Variants in VDR observed in about 807,000 individuals in gnomAD.
The protein encoded by VDR is vitamin D receptor.
A neutral mutation model predicts 39.7 loss-of-function variants in VDR; 19 were observed. The ratio of observed to expected loss-of-function variants is 0.48; its 90% CI spans 0.33 to 0.70. The LOEUF (loss-of-function observed/expected upper bound fraction) is 0.70. Ranked by LOEUF, VDR falls within the 30% of genes least tolerant of loss-of-function variation. The probability of loss-of-function intolerance (pLI) is 0.02; values close to 1 mark genes in which losing one functional copy is unlikely to be tolerated. For missense variants in VDR, 442 were observed against 570.5 expected (o/e 0.77, Z 2.29); for synonymous variants, 242 against 215.8 (o/e 1.12, Z -1.07).
chr12:47,856,777 A>C (rs1165872623), intron 6 of VDR, among the ~76,000 whole-genome samples: 1 of 152,158 alleles, frequency 6.6e-6, no homozygotes, highest in Non-Finnish European at 1.5e-5. Flanking sequence ...TCCCACTCCA[A>C]ATTTCACCTT....
At chr12:47,873,390 T>C in intron 3 of VDR, among the ~76,000 whole-genome samples, 1 of 114,562 alleles carries the variant, frequency 8.7e-6, no homozygotes, top group Admixed American at 1.0e-4. Context: ...TGAGACGGAG[T>C]CTCGCTGTCG....
intron 3 of VDR, among the ~76,000 whole-genome samples, chr12:47,872,716 C>T (rs1945908102): frequency 6.6e-6 from 1 of 152,200 alleles, no homozygotes; most frequent in Admixed American, 6.5e-5. Flanking sequence ...GTTTAGGAAC[C>T]TCTTTTCAGA....
chr12:47,861,020 G>A (rs984386332), intron 4 of VDR, among the ~76,000 whole-genome samples: 23 of 152,232 alleles, frequency 1.5e-4, no homozygotes, highest in Non-Finnish European at 2.9e-5. Context: ...TAGCAGATGA[G>A]GGAGCTGAGG....
intron 1 of VDR, among the ~76,000 whole-genome samples, chr12:47,884,073 C>T (rs1442145499): frequency 6.6e-6 from 1 of 152,198 alleles, no homozygotes; most frequent in Non-Finnish European, 1.5e-5. Context: ...CAGCTGACCA[C>T]GCTCTGCAGG....
intron 4 of VDR, among the ~76,000 whole-genome samples, chr12:47,859,848 TC>T (rs1354855132): frequency 1.6e-5 from 1 of 62,912 alleles, no homozygotes; most frequent in Non-Finnish European, 3.2e-5. Context: ...TTCCCTTCCT[TC>T]CTTCCTTCCT....
chr12:47,864,382 AG>A (rs1227878193), intron 4 of VDR, among the ~76,000 whole-genome samples: 1 of 152,242 alleles, frequency 6.6e-6, no homozygotes, highest in African/African-American at 2.4e-5. Context: ...AGAGAGGGAC[AG>A]GAAGTCCTAT....
chr12:47,872,781 A>C (rs879904449), intron 3 of VDR, among the ~76,000 whole-genome samples: 4 of 152,218 alleles, frequency 2.6e-5, no homozygotes, highest in Non-Finnish European at 4.4e-5. Context: ...GGTAGAGAAA[A>C]GGAAGAAAGG....
At position 47,899,098 on chromosome 12, in the gene VDR, A is replaced by C. The variant is rs554342494; in HGVS notation, c.-84+5857T>G. On this transcript the variant is annotated intron_variant, in intron 1 of 9. Coordinates refer to ENST00000549336, the MANE Select transcript of VDR (RefSeq NM_000376.3). ...AATTGAAGAACCCAAGTTGCAGAGA[A>C]GCTAAGTAACCTTCACAAGCTCATC... 5.3e-5 allele frequency among the ~76,000 whole-genome samples: 8 copies of C among 152,352 alleles called. No homozygotes were observed. The South Asian group carries it at 1.7e-3, about 32-fold the overall frequency.
At position 47,904,307 on chromosome 12, in the gene VDR, TC is replaced by T. The variant is rs546254232; in HGVS notation, c.-84+647del. Among the ~76,000 whole-genome samples the T allele has an allele frequency of 7.3e-4, 111 of 151,642 alleles. 2 individuals are homozygous for T. The South Asian group carries it at 0.012, about 16-fold the overall frequency. Reference sequence around the variant, plus strand: ...AATCTTCCTCACCACCACCCACAGATCCAGGGCACCTCACTTTTCAAACAGA... The same window carrying T: ...AATCTTCCTCACCACCACCCACAGATCAGGGCACCTCACTTTTCAAACAGA... On this transcript the variant is annotated intron_variant, in intron 1 of 9. Transcript: ENST00000549336.
In VDR at chr12:47,873,351, C is replaced by CTTTTTTT. The variant is rs71077177; in HGVS notation, c.146+5610_146+5616dup. ...ACCATGAGTCAATTAAACCTGTTTT[C>CTTTTTTT]TTTTTTTTTTTTTTTTTTTTTTTTT... On this transcript the variant is annotated intron_variant, in intron 3 of 9. Transcript: ENST00000549336. 4.0e-3 allele frequency among the ~76,000 whole-genome samples: 398 copies of CTTTTTTT among 98,400 alleles called. 35 individuals carry two copies. The highest frequency in any genetic ancestry group is 5.6e-3 in the Non-Finnish European group (282 of 50,258). 64.6% of individuals were successfully genotyped at this position (98,400 alleles called of 152,430 possible). A position where few individuals can be genotyped will look rare whatever the true frequency, so the allele number is the denominator to read the frequency against.
chr12:47,846,434 G>A lies in VDR; in HGVS notation c.925C>T (p.Leu309=). Residue 309 remains leucine, a synonymous_variant, in exon 9 of 10, where the codon CTG becomes TTG. Coordinates refer to ENST00000549336, the MANE Select transcript of VDR (RefSeq NM_000376.3). ...DVTKAGHSLE[L]IEPLIKFQVG... is the part of the protein sequence containing the mutation. ...TGGAACTTGATGAGGGGCTCAATCA[G>A]CTCCAGGCTGTGTCCGGCTGTGAGA... 1.3e-6 allele frequency: 2 copies of A among 1,567,332 alleles called. No individual in the cohort carries two copies. The highest frequency in any genetic ancestry group is 1.7e-6 in the Non-Finnish European group (2 of 1,155,884).
chr12:47,891,166 C>T lies in VDR; in HGVS notation c.-83-8392G>A, dbSNP rs530827243. 4.6e-5 allele frequency among the ~76,000 whole-genome samples: 7 copies of T among 152,288 alleles called. No homozygotes were observed. The East Asian group carries it at 5.8e-4, about 13-fold the overall frequency. Reference sequence around the variant, plus strand: ...CAGACCCCTTGCCTTTGTCCAGCTACCTGGGCCAGCCTGATGCCCCTGGCC... The same window carrying T: ...CAGACCCCTTGCCTTTGTCCAGCTATCTGGGCCAGCCTGATGCCCCTGGCC... On this transcript the variant is annotated intron_variant, in intron 1 of 9. Transcript: ENST00000549336.
At chr12:47,859,910 CTTCCTTCTTTCTTTTTCT>C (rs1412382350) in intron 4 of VDR, among the ~76,000 whole-genome samples, 589 of 45,538 alleles carry the variant, frequency 0.013, 14 homozygotes, top group African/African-American at 0.021. Flanking sequence ...TCCTTCCTTC[CTTCCTTCTTTCTTTTTCT>C]TTCTTTCTTT....
chr12:47,887,933 G>A (rs963530610), intron 1 of VDR, among the ~76,000 whole-genome samples: 2 of 152,216 alleles, frequency 1.3e-5, no homozygotes, highest in Non-Finnish European at 1.5e-5. Context: ...TCACCTTTGA[G>A]AACCTGCTAA....
intron 4 of VDR, among the ~76,000 whole-genome samples, chr12:47,863,661 G>A (rs969498709): frequency 2.5e-4 from 38 of 152,204 alleles, no homozygotes; most frequent in African/African-American, 8.9e-4. Flanking sequence ...GCGTGGCAGG[G>A]ACTAGGGTAG....
At chr12:47,882,515 C>T (rs567844117) in intron 2 of VDR, 179 bp downstream of exon 2, 5 of 595,104 alleles carry the variant, frequency 8.4e-6, no homozygotes, top group South Asian at 2.2e-5. Context: ...AACTCCCACC[C>T]GCACCCCACA....
chr12:47,879,147 G>A (rs1350303381), intron 2 of VDR, 32 bp from the exon 3 acceptor site: 1 of 1,607,422 alleles, frequency 6.2e-7, no homozygotes, highest in Admixed American at 1.7e-5. Context: ...CACGGTCAGA[G>A]CCAGAGTCAG....
chr12:47,845,688 G>C (rs1283244152), intron 9 of VDR, among the ~76,000 whole-genome samples: 1 of 152,126 alleles, frequency 6.6e-6, no homozygotes, highest in African/African-American at 2.4e-5. Flanking sequence ...ATGAGAGAAG[G>C]CTGGCTGGGC....
chr12:47,861,136 G>A (rs1945618562), intron 4 of VDR, among the ~76,000 whole-genome samples: 1 of 152,276 alleles, frequency 6.6e-6, no homozygotes, highest in South Asian at 2.1e-4. Flanking sequence ...ATAACCACTA[G>A]CCTCTACTGT....
Sources: gnomAD v4.1 joint callset for allele counts (sites outside exome capture counted in the v4.1 genomes callset) on GRCh38, gnomAD v4.1.1 for gene constraint, MANE v1.5 for transcripts, NCBI Gene and HGNC (gene_info 2026-07-23, HGNC 2026-07-21) for gene names.